Variants in TNFRSF9 observed in about 807,000 individuals in gnomAD.
The protein encoded by TNFRSF9 is tumor necrosis factor receptor superfamily member 9.
In TNFRSF9, 16 loss-of-function variants were observed where a neutral mutation model predicts 28.8. That is an observed-to-expected ratio of 0.55 (90% CI 0.38 to 0.84). The LOEUF is 0.84. Among genes scored for constraint, TNFRSF9 ranks in the 40% least tolerant of loss-of-function variants. The pLI is 0.00. For missense variants in TNFRSF9, 303 were observed against 315.0 expected (o/e 0.96, Z 0.29); for synonymous variants, 131 against 117.0 (o/e 1.12, Z -0.77).
intron 6 of TNFRSF9, among the ~76,000 whole-genome samples, chr1:7,933,880 C>T (rs1041284561): frequency 2.0e-5 from 3 of 151,142 alleles, no homozygotes; most frequent in East Asian, 2.0e-4. Flanking sequence ...AGCTGGGTGC[C>T]GTGGTGGGCG....
At chr1:7,921,365 AAAC>A (rs1639556036) in intron 7 of TNFRSF9, among the ~76,000 whole-genome samples, 1 of 146,644 alleles carries the variant, frequency 6.8e-6, no homozygotes, top group African/African-American at 2.6e-5. Flanking sequence ...AAACAAAACA[AAAC>A]AAAACAAAAC....
At chr1:7,940,680 G>A (rs544810272) in intron 1 of TNFRSF9, 104 bp downstream of exon 1, 4 of 152,246 alleles carry the variant, frequency 2.6e-5, no homozygotes, top group Non-Finnish European at 5.9e-5. Flanking sequence ...TTGAAGAGAA[G>A]TTATTACATA....
chr1:7,930,406 C>T (rs1639717522), intron 7 of TNFRSF9, among the ~76,000 whole-genome samples: 1 of 152,176 alleles, frequency 6.6e-6, no homozygotes, highest in South Asian at 2.1e-4. Flanking sequence ...ACTAATTACT[C>T]ATAAATACTT....
intron 2 of TNFRSF9, 112 bp downstream of exon 2, chr1:7,939,783 G>T: frequency 1.4e-6 from 1 of 711,404 alleles, no homozygotes; most frequent in Non-Finnish European, 2.2e-6. Context: ...GTAAATGAAT[G>T]AATTTTCATT....
At position 7,919,453 on chromosome 1, in the gene TNFRSF9, T is replaced by TG. The variant is rs1390175758; in HGVS notation, c.*1381dup. 1 of 152,062 alleles carries TG rather than the reference T, an allele frequency of 6.6e-6. No homozygotes were observed. Among genetic ancestry groups the TG allele is most frequent in the African/African-American group, 2.4e-5 (1 of 41,386 alleles). 9.4% of individuals were successfully genotyped at this position (152,062 alleles called of 1,614,324 possible). On this transcript the variant is annotated 3_prime_UTR_variant, in exon 8 of 8. Transcript: ENST00000377507. ...AAACTGGGAGGCGGTGATCCAAGAT[T>TG]GTACCACTGTACTCCAGCCTGGGAG...
chr1:7,920,778 A>T lies in TNFRSF9; in HGVS notation c.*57T>A. On this transcript the variant is annotated 3_prime_UTR_variant, in exon 8 of 8. Coordinates refer to ENST00000377507, the MANE Select transcript of TNFRSF9 (RefSeq NM_001561.6). ...CTTTTGAAAGCTGTGATAGCGGATG[A>T]CTCATATTTCCTTGCTTCTTTTCAA... 10 of 1,282,468 alleles carry T rather than the reference A, an allele frequency of 7.8e-6. No individual in the cohort carries two copies. The highest frequency in any genetic ancestry group is 1.1e-5 in the Non-Finnish European group (10 of 878,750). The allele number at this position is 1,282,468 out of a possible 1,614,324, so 79.4% of individuals were successfully genotyped here. A position where few individuals can be genotyped will look rare whatever the true frequency, so the allele number is the denominator to read the frequency against.
intron 5 of TNFRSF9, among the ~76,000 whole-genome samples, chr1:7,935,775 T>G (rs187442308): frequency 1.2e-4 from 19 of 152,180 alleles, no homozygotes; most frequent in Non-Finnish European, 5.9e-5. Context: ...GCTGATCACT[T>G]GAACCCAGGA....
intron 7 of TNFRSF9, among the ~76,000 whole-genome samples, chr1:7,928,088 C>T (rs1360382147): frequency 6.6e-6 from 1 of 152,082 alleles, no homozygotes; most frequent in African/African-American, 2.4e-5. Flanking sequence ...AAGGGAAGTG[C>T]AAATTAAAGC....
rs151279644 is a variant in TNFRSF9 at position 7,933,256 on chromosome 1, C to T, written c.585G>A (p.Thr195=). Reference sequence around the variant, plus strand: ...ACAGCAGGAAGAGCAACGCAGTCGACGTCAGCGCAAGAAAGAAGGAGATGA... The same window carrying T: ...ACAGCAGGAAGAGCAACGCAGTCGATGTCAGCGCAAGAAAGAAGGAGATGA... ...PQIISFFLAL[T]STALLFLLFF... The change falls in exon 7 of 8, where the codon ACG becomes ACA. Residue 195 remains threonine, a synonymous_variant. Transcript: ENST00000377507. 12 of 1,613,672 alleles carry T rather than the reference C, an allele frequency of 7.4e-6. No individual in the cohort carries two copies. Among genetic ancestry groups the T allele is most frequent in the East Asian group, 4.5e-5 (2 of 44,900 alleles).
intron 2 of TNFRSF9, among the ~76,000 whole-genome samples, chr1:7,939,368 A>G (rs1206473663): frequency 2.0e-5 from 3 of 151,896 alleles, no homozygotes; most frequent in Non-Finnish European, 2.9e-5. Context: ...AAAAAACCAG[A>G]TATTGTAACA....
chr1:7,938,211 G>T lies in TNFRSF9; in HGVS notation c.328C>A (p.Gln110Lys). 6.3e-7 allele frequency: 1 copy of T among 1,596,150 alleles called. No individual in the cohort carries two copies. Among genetic ancestry groups the T allele is most frequent in the South Asian group, 1.1e-5 (1 of 88,498 alleles). Residue 110 changes from glutamine (Q) to lysine (K), a missense_variant, in exon 4 of 8, where the codon CAA (glutamine) becomes AAA (lysine). Gln to Lys is a moderately conservative substitution (Grantham distance 53). Transcript: ENST00000377507. ...AACGTACCTTTTTTTGTCAGTTCTT[G>T]ACCTTGTTTACAATCCTGTTCACAC... ...SMCEQDCKQG[Q>K]ELTKKGCKDC...
intron 7 of TNFRSF9, among the ~76,000 whole-genome samples, chr1:7,930,021 G>A (rs1342481810): frequency 7.0e-6 from 1 of 142,514 alleles, no homozygotes; most frequent in African/African-American, 2.7e-5. Context: ...CCAGGCTGGA[G>A]TGCAATGGCA....
intron 7 of TNFRSF9, among the ~76,000 whole-genome samples, chr1:7,932,861 C>T (rs967571961): frequency 2.0e-5 from 3 of 152,164 alleles, no homozygotes; most frequent in African/African-American, 7.2e-5. Context: ...GCACTATTGA[C>T]ATTTGGGGCA....
Position 7,917,997 on chromosome 1 carries a change from T to G in TNFRSF9, c.*2838A>C, listed in dbSNP as rs568371017. 339 of 150,354 alleles carry G rather than the reference T, an allele frequency of 2.3e-3. 1 individual carries two copies. The highest frequency in any genetic ancestry group is 8.1e-3 in the African/African-American group (325 of 40,088). The allele number at this position is 150,354 out of a possible 1,614,324, so 9.3% of individuals were successfully genotyped here. A position where few individuals can be genotyped will look rare whatever the true frequency, so the allele number is the denominator to read the frequency against. ...ATATAGATATAGATAGATAGATAGA[T>G]AGATAGGCAGAATTTCACTCTTGTC... On this transcript the variant is annotated 3_prime_UTR_variant, in exon 8 of 8. Coordinates refer to ENST00000377507, the MANE Select transcript of TNFRSF9 (RefSeq NM_001561.6).
chr1:7,925,202 G>C (rs960038271), intron 7 of TNFRSF9, among the ~76,000 whole-genome samples: 10 of 151,988 alleles, frequency 6.6e-5, no homozygotes, highest in African/African-American at 2.2e-4. Flanking sequence ...CAGCTACTTG[G>C]GGGGCTGAGG....
At chr1:7,924,624 TCAAACAAAAAA>T (rs1415757865) in intron 7 of TNFRSF9, among the ~76,000 whole-genome samples, 1 of 151,890 alleles carries the variant, frequency 6.6e-6, no homozygotes, top group Non-Finnish European at 1.5e-5. Context: ...AAGACTCCTC[TCAAACAAAAAA>T]CAAACAAACA....
chr1:7,928,529 G>T (rs977972410), intron 7 of TNFRSF9, among the ~76,000 whole-genome samples: 2 of 152,198 alleles, frequency 1.3e-5, no homozygotes, highest in African/African-American at 4.8e-5. Context: ...GAGTGAAAAA[G>T]CAAAATCTTA....
At chr1:7,920,999 A>G (rs987774422) in intron 7 of TNFRSF9, 76 bp from the exon 8 acceptor site, 6 of 1,067,710 alleles carry the variant, frequency 5.6e-6, no homozygotes, top group Non-Finnish European at 8.7e-6. Flanking sequence ...CATAAATTAT[A>G]GCTGCAGAAC....
intron 6 of TNFRSF9, 105 bp from the exon 7 acceptor site, chr1:7,933,401 A>G: frequency 1.5e-5 from 21 of 1,368,332 alleles, no homozygotes; most frequent in Non-Finnish European, 2.1e-5. Context: ...GAAGAATCAC[A>G]GCCTTGGGCA....
Sources: gnomAD v4.1 joint callset for allele counts (sites outside exome capture counted in the v4.1 genomes callset) on GRCh38, gnomAD v4.1.1 for gene constraint, MANE v1.5 for transcripts, NCBI Gene and HGNC (gene_info 2026-07-23, HGNC 2026-07-21) for gene names.